The following ADAMDEC1 variants were observed in gnomAD, a reference collection of about 807,000 sequenced individuals.
ADAMDEC1 encodes ADAM like decysin 1, also known as ADAM DEC1.
Under a neutral mutation model 60.4 loss-of-function variants are expected in ADAMDEC1, and 62 were observed. The ratio of observed to expected loss-of-function variants is 1.03; its 90% CI spans 0.84 to 1.27. The LOEUF is 1.27. Among genes scored for constraint, ADAMDEC1 ranks in the 50% most tolerant of loss-of-function variants. The pLI, the probability that ADAMDEC1 is intolerant of heterozygous loss-of-function variation, is 0.00. For missense variants in ADAMDEC1, 595 were observed against 565.0 expected, an observed-to-expected ratio of 1.05 and a Z score of -0.54; for synonymous variants, 210 against 195.1, an observed-to-expected ratio of 1.08 and a Z score of -0.64.
chr8:24,404,925 T>A (rs1376628593), intron 13 of ADAMDEC1, among the ~76,000 whole-genome samples: 1 of 152,128 alleles, frequency 6.6e-6, no homozygotes, highest in Admixed American at 6.6e-5. Context: ...TTCTGGAAAC[T>A]GTGCCCAGGC....
Position 24,397,305 on chromosome 8 carries a change from T to TA in ADAMDEC1, c.480dup (p.Pro161ThrfsTer16), listed in dbSNP as rs1817638583. 6.2e-7 allele frequency: 1 copy of TA among 1,613,830 alleles called. No homozygotes were observed. The highest frequency in any genetic ancestry group is 8.5e-7 in the Non-Finnish European group (1 of 1,179,932). On this transcript the variant is annotated frameshift_variant, in exon 6 of 14. Transcript: ENST00000256412. LOFTEE classifies it high-confidence loss of function. The stretch of plus-strand genomic sequence containing the variant: ...ACACATCATCACCAAAGATACCAGA[T>TA]AAAACCTCTGAAAAGCACAGACGAG...
intron 1 of ADAMDEC1, among the ~76,000 whole-genome samples, chr8:24,390,746 A>G (rs903994993): frequency 6.6e-6 from 1 of 151,780 alleles, no homozygotes; most frequent in African/African-American, 2.4e-5. Flanking sequence ...AAACAAAACA[A>G]AACAACAATA....
rs773008608 is a variant in ADAMDEC1 at position 24,394,092 on chromosome 8, C to T, written c.308C>T (p.Thr103Ile). ...AGGCACCTCCTGGGGCCAGACTACA[C>T]TGAAACATTGTACTCACCCAGAGGA... ...KTKHLLGPDY[T>I]ETLYSPRGEE... Residue 103 changes from threonine to isoleucine, a missense_variant, in exon 4 of 14, where the codon ACT becomes ATT. Coordinates refer to ENST00000256412, the MANE Select transcript of ADAMDEC1 (RefSeq NM_014479.3). 3 of 1,613,410 alleles carry T rather than the reference C, an allele frequency of 1.9e-6. No homozygotes were observed. Among genetic ancestry groups the T allele is most frequent in the Non-Finnish European group, 2.5e-6 (3 of 1,179,454 alleles).
Position 24,390,118 on chromosome 8 carries a change from T to G in ADAMDEC1, c.89-2144T>G, listed in dbSNP as rs994250252. ...TCAATGTCTATTCTATTATTTTATTTAACCTGACAGCCTCAAACTGTGCGT... is the reference window on the plus strand; with the variant it reads ...TCAATGTCTATTCTATTATTTTATTGAACCTGACAGCCTCAAACTGTGCGT... On this transcript the variant is annotated intron_variant, in intron 1 of 13. Transcript: ENST00000256412. 4.7e-5 allele frequency: 26 copies of G among 547,652 alleles called. No individual in the cohort carries two copies. The Admixed American group carries it at 6.1e-4, about 13-fold the overall frequency. The allele number at this position is 547,652 out of a possible 1,614,324, so 33.9% of individuals were successfully genotyped here.
chr8:24,402,535 A>G lies in ADAMDEC1; in HGVS notation c.1320+443A>G, dbSNP rs1585816647. Among the ~76,000 whole-genome samples the G allele has an allele frequency of 3.3e-5, 5 of 152,260 alleles. No homozygotes were observed. In the East Asian group the frequency reaches 9.6e-4, roughly 29 times the overall value. On this transcript the variant is annotated intron_variant, in intron 12 of 13. Transcript: ENST00000256412. ...AAGAGGAAAAGAAAAAATAATCACA[A>G]AAATCTGTAGAAAATAGGCTATTAA...
intron 1 of ADAMDEC1, among the ~76,000 whole-genome samples, chr8:24,388,492 C>T (rs1817353724): frequency 6.6e-6 from 1 of 151,880 alleles, no homozygotes; most frequent in African/African-American, 2.4e-5. Context: ...CTCTGCCTTC[C>T]TCTCTCTTTC....
Position 24,398,563 on chromosome 8 carries a change from G to C in ADAMDEC1, c.762+12G>C. ...ACCTACTCAATGTGGTAAGACATTA[G>C]TCATGTAAACCTCATGTTTCTGCAT... On this transcript the variant is annotated intron_variant, in intron 8 of 13. Transcript: ENST00000256412. 1 of 1,575,652 alleles carries C rather than the reference G, an allele frequency of 6.3e-7. No individual in the cohort carries two copies. Among genetic ancestry groups the C allele is most frequent in the Non-Finnish European group, 8.7e-7 (1 of 1,153,874 alleles).
In ADAMDEC1 at chr8:24,398,933, G is replaced by C. The variant is rs764622041; in HGVS notation, c.822G>C (p.Gly274=). 1.9e-6 allele frequency: 3 copies of C among 1,613,850 alleles called. No homozygotes were observed. Among genetic ancestry groups the C allele is most frequent in the South Asian group, 2.2e-5 (2 of 91,066 alleles). The stretch of plus-strand genomic sequence containing the variant: ...TAGGTATGGAAATCTGGTCTGATGG[G>C]GATAAGATAAAGGTGGTGCCCAGCG... The part of the protein sequence containing the change: ...ALVGMEIWSD[G]DKIKVVPSAS... The change falls in exon 9 of 14, where the codon GGG becomes GGC. Residue 274 remains glycine, a synonymous_variant. Transcript: ENST00000256412.
At chr8:24,400,133 T>C in intron 10 of ADAMDEC1, 37 bp from the exon 11 acceptor site, 1 of 1,463,632 alleles carries the variant, frequency 6.8e-7, no homozygotes, top group Non-Finnish European at 9.1e-7. Context: ...AACAATTAAA[T>C]AAAAAAAGAA....
rs1817520188 is a variant in ADAMDEC1 at position 24,394,116 on chromosome 8, G to A, written c.332G>A (p.Gly111Glu). The change falls in exon 4 of 14, where the codon GGA (glycine) becomes GAA (glutamate). Residue 111 changes from glycine to glutamate, a missense_variant. Physicochemically the swap from Gly to Glu is moderately conservative, Grantham distance 98. Transcript: ENST00000256412. Reference sequence around the variant, plus strand: ...ACTGAAACATTGTACTCACCCAGAGGAGAGGAAATTACCACGAAACCTGAG... The same window carrying A: ...ACTGAAACATTGTACTCACCCAGAGAAGAGGAAATTACCACGAAACCTGAG... ...DYTETLYSPR[G>E]EEITTKPENM... The A allele has an allele frequency of 6.2e-7, 1 of 1,613,496 alleles. No homozygotes were observed.
At chr8:24,404,154 A>G in intron 13 of ADAMDEC1, 66 bp downstream of exon 13, 1 of 1,420,014 alleles carries the variant, frequency 7.0e-7, no homozygotes, top group Non-Finnish European at 9.8e-7. Context: ...TGAGAAAAAT[A>G]TGCCACTGGG....
intron 12 of ADAMDEC1, among the ~76,000 whole-genome samples, chr8:24,403,498 C>A (rs554842774): frequency 6.8e-4 from 104 of 152,126 alleles, no homozygotes; most frequent in African/African-American, 2.4e-3. Flanking sequence ...GTTTTAGCTG[C>A]AAATTTGCCC....
intron 1 of ADAMDEC1, among the ~76,000 whole-genome samples, chr8:24,385,508 C>A (rs936646898): frequency 6.6e-6 from 1 of 152,234 alleles, no homozygotes; most frequent in Non-Finnish European, 1.5e-5. Flanking sequence ...ATTATTTGAT[C>A]CATATAAACA....
intron 1 of ADAMDEC1, 126 bp from the exon 2 acceptor site, chr8:24,392,136 T>G: frequency 1.8e-6 from 1 of 551,506 alleles, no homozygotes; most frequent in Non-Finnish European, 3.1e-6. Context: ...TCATAATGTT[T>G]GCTCTCTACA....
chr8:24,388,291 A>G (rs188808024), intron 1 of ADAMDEC1, among the ~76,000 whole-genome samples: 10 of 151,630 alleles, frequency 6.6e-5, no homozygotes, highest in Non-Finnish European at 1.2e-4. Context: ...TCCCTTTTGC[A>G]TAAAAAAATC....
chr8:24,391,886 A>G (rs1585804993), intron 1 of ADAMDEC1, among the ~76,000 whole-genome samples: 1 of 152,166 alleles, frequency 6.6e-6, no homozygotes, highest in East Asian at 1.9e-4. Context: ...CACAATTTTT[A>G]AGAAGACTCT....
At chr8:24,397,828 T>C in intron 7 of ADAMDEC1, 83 bp downstream of exon 7, 1 of 1,331,656 alleles carries the variant, frequency 7.5e-7, no homozygotes, top group Non-Finnish European at 1.1e-6. Context: ...CAATAAACTA[T>C]TTTAGCTAAT....
rs544795925 is a variant in ADAMDEC1 at position 24,392,361 on chromosome 8, C to G, written c.188C>G (p.Thr63Arg). The G allele has an allele frequency of 6.2e-7, 1 of 1,610,400 alleles. No individual in the cohort carries two copies. Among genetic ancestry groups the G allele is most frequent in the South Asian group, 1.1e-5 (1 of 90,400 alleles). ...AAAAGAGAGATCAAGAACAACCAGA[C>G]AGAAAAGCATGGCAAAGAGGTAAGC... The part of the protein sequence containing the change: ...LHKREIKNNQ[T>R]EKHGKEERYE... Residue 63 changes from threonine to arginine, a missense_variant, in exon 2 of 14, where the codon ACA (threonine) becomes AGA (arginine). Coordinates refer to ENST00000256412, the MANE Select transcript of ADAMDEC1 (RefSeq NM_014479.3).
chr8:24,389,402 A>G (rs1039447883), intron 1 of ADAMDEC1, among the ~76,000 whole-genome samples: 1 of 152,084 alleles, frequency 6.6e-6, no homozygotes, highest in African/African-American at 2.4e-5. Context: ...TATATCCAAT[A>G]TTTGACCACA....
Sources: allele counts gnomAD v4.1 joint callset (sites outside exome capture counted in the v4.1 genomes callset), GRCh38; gene constraint gnomAD v4.1.1; transcripts MANE v1.5; gene names NCBI Gene and HGNC (gene_info 2026-07-23, HGNC 2026-07-21).